CRY2: variants seen among roughly 807,000 people sequenced by gnomAD.
The protein encoded by CRY2 is cryptochrome circadian regulator 2.
Under a neutral mutation model 69.5 loss-of-function variants are expected in CRY2, and 31 were observed. The ratio of observed to expected loss-of-function variants is 0.45; its 90% CI spans 0.34 to 0.60. CRY2 has a LOEUF of 0.60. CRY2 is among the 20% of genes least tolerant of loss of function. The pLI is 0.02. For missense variants in CRY2, 606 were observed against 797.8 expected, an observed-to-expected ratio of 0.76 and a Z score of 2.90; for synonymous variants, 303 against 312.2, an observed-to-expected ratio of 0.97 and a Z score of 0.31.
At position 45,882,951 on chromosome 11, in the gene CRY2, C is replaced by T. The variant is rs2086488040; in HGVS notation, c.*2040C>T. Reference sequence around the variant, plus strand: ...TCAGCCCGTTCCCAGATCAACCTGCCAGTGGAGTCAGGCAGTGCACTCCTG... The same window carrying T: ...TCAGCCCGTTCCCAGATCAACCTGCTAGTGGAGTCAGGCAGTGCACTCCTG... On this transcript the variant is annotated 3_prime_UTR_variant, in exon 12 of 12. Coordinates refer to ENST00000616080, the MANE Select transcript of CRY2 (RefSeq NM_021117.5). The T allele has an allele frequency of 3.2e-5, 12 of 376,126 alleles. No individual in the cohort carries two copies. Among genetic ancestry groups the T allele is most frequent in the African/African-American group, 2.1e-5 (1 of 48,148 alleles). 23.3% of individuals were successfully genotyped at this position (376,126 alleles called of 1,614,324 possible).
intron 5 of CRY2, 131 bp downstream of exon 5, chr11:45,862,279 C>T: frequency 1.3e-6 from 1 of 756,642 alleles, no homozygotes; most frequent in Non-Finnish European, 2.1e-6. Context: ...TCCTATCCTC[C>T]TGATGGCCAT....
intron 10 of CRY2, 21 bp downstream of exon 10, chr11:45,870,955 T>A: frequency 6.4e-7 from 1 of 1,565,186 alleles, no homozygotes; most frequent in Non-Finnish European, 8.7e-7. Context: ...GCAACCAACC[T>A]CCTGTGGCCT....
At chr11:45,872,327 T>C in intron 11 of CRY2, 94 bp downstream of exon 11, 1 of 1,186,718 alleles carries the variant, frequency 8.4e-7, no homozygotes, top group Non-Finnish European at 1.2e-6. Flanking sequence ...CATAGCAAAC[T>C]AGATGAAAAT....
In CRY2 at chr11:45,869,604, C is replaced by A. The variant is rs142093998; in HGVS notation, c.981C>A (p.Arg327=). The A allele has an allele frequency of 1.9e-6, 3 of 1,614,248 alleles. No homozygotes were observed. Among genetic ancestry groups the A allele is most frequent in the Non-Finnish European group, 2.5e-6 (3 of 1,180,048 alleles). Residue 327 remains arginine (R), a synonymous_variant, in exon 7 of 12, where the codon CGC becomes CGA. Transcript: ENST00000616080. Reference sequence around the variant, plus strand: ...CTACCAACAACCCCAGGTTTGACCGCATGGAGGGGAACCCCATCTGCATCC... The same window carrying A: ...CTACCAACAACCCCAGGTTTGACCGAATGGAGGGGAACCCCATCTGCATCC... ...TAATNNPRFD[R]MEGNPICIQI...
intron 11 of CRY2, among the ~76,000 whole-genome samples, chr11:45,874,330 C>T (rs2086409645): frequency 6.6e-6 from 1 of 151,970 alleles, no homozygotes; most frequent in Non-Finnish European, 1.5e-5. Flanking sequence ...ATGTGGGGGT[C>T]TATTAATAAT....
rs2086470289 is a variant in CRY2 at position 45,881,337 on chromosome 11, T to C, written c.*426T>C. On this transcript the variant is annotated 3_prime_UTR_variant, in exon 12 of 12. Coordinates refer to ENST00000616080, the MANE Select transcript of CRY2 (RefSeq NM_021117.5). ...AGGCTGTGGAGCAGGAGCACAGCAGTTCTGGCTGTTGTCCAAAGCATGGGA... is the reference window on the plus strand; with the variant it reads ...AGGCTGTGGAGCAGGAGCACAGCAGCTCTGGCTGTTGTCCAAAGCATGGGA... 1 of 152,676 alleles carries C rather than the reference T, an allele frequency of 6.5e-6. No homozygotes were observed. The highest frequency in any genetic ancestry group is 2.4e-5 in the African/African-American group (1 of 41,464). The allele number at this position is 152,676 out of a possible 1,614,324, so 9.5% of individuals were successfully genotyped here. A position where few individuals can be genotyped will look rare whatever the true frequency, so the allele number is the denominator to read the frequency against.
Position 45,860,833 on chromosome 11 carries a change from C to A in CRY2, c.468-15C>A. The A allele has an allele frequency of 6.2e-7, 1 of 1,613,020 alleles. No individual in the cohort carries two copies. The highest frequency in any genetic ancestry group is 8.5e-7 in the Non-Finnish European group (1 of 1,179,116). On this transcript the variant is annotated splice_polypyrimidine_tract_variant and intron_variant, in intron 3 of 11. Coordinates refer to ENST00000616080, the MANE Select transcript of CRY2 (RefSeq NM_021117.5). ...GGCCATGTGGGTAACACTAGCTATG[C>A]TTTGGGCTCCCCAGGATCATTGAGC...
chr11:45,849,168 A>T (rs1411548225), intron 1 of CRY2, among the ~76,000 whole-genome samples: 1 of 152,198 alleles, frequency 6.6e-6, no homozygotes, highest in Admixed American at 6.5e-5. Flanking sequence ...GATAGGGAAG[A>T]TTAAAAATCA....
At chr11:45,872,256 C>G in intron 11 of CRY2, 23 bp downstream of exon 11, 1 of 1,609,686 alleles carries the variant, frequency 6.2e-7, no homozygotes. Flanking sequence ...AGCCTAGATT[C>G]AACCTCAGGA....
At chr11:45,869,482 C>A in intron 6 of CRY2, 24 bp from the exon 7 acceptor site, 1 of 1,584,780 alleles carries the variant, frequency 6.3e-7, no homozygotes, top group Non-Finnish European at 8.6e-7. Context: ...GTGTTTGTAT[C>A]CATGTGCCAC....
chr11:45,850,292 G>A (rs1407066637), intron 1 of CRY2, among the ~76,000 whole-genome samples: 1 of 152,144 alleles, frequency 6.6e-6, no homozygotes, highest in East Asian at 1.9e-4. Context: ...GCAAGTATGA[G>A]CCACTGTGCC....
chr11:45,877,060 C>T (rs1164597582), intron 11 of CRY2, among the ~76,000 whole-genome samples: 1 of 152,224 alleles, frequency 6.6e-6, no homozygotes, highest in Non-Finnish European at 1.5e-5. Flanking sequence ...AGACTCATAT[C>T]CCCTAGCGCT....
Position 45,847,607 on chromosome 11 carries a change from G to A in CRY2, c.117G>A (p.Ala39=). Residue 39 remains alanine (A), a synonymous_variant, in exon 1 of 12, where the codon GCG becomes GCA. Coordinates refer to ENST00000616080, the MANE Select transcript of CRY2 (RefSeq NM_021117.5). Reference sequence around the variant, plus strand: ...GGCTGCGACTCCACGACAACCCGGCGTTGCTGGCGGCCGTGCGCGGGGCGC... The same window carrying A: ...GGCTGCGACTCCACGACAACCCGGCATTGCTGGCGGCCGTGCGCGGGGCGC... The part of the protein sequence containing the change: ...RKGLRLHDNP[A]LLAAVRGARC... 1 of 1,605,628 alleles carries A rather than the reference G, an allele frequency of 6.2e-7. No individual in the cohort carries two copies. Among genetic ancestry groups the A allele is most frequent in the Non-Finnish European group, 8.5e-7 (1 of 1,177,050 alleles).
rs1213096986 is a variant in CRY2 at position 45,870,846 on chromosome 11, A to G, written c.1554A>G (p.Leu518=). 1 of 1,613,256 alleles carries G rather than the reference A, an allele frequency of 6.2e-7. No homozygotes were observed. The highest frequency in any genetic ancestry group is 1.3e-5 in the African/African-American group (1 of 74,900). Residue 518 remains leucine (L), a synonymous_variant, in exon 10 of 12, where the codon CTA becomes CTG. Coordinates refer to ENST00000616080, the MANE Select transcript of CRY2 (RefSeq NM_021117.5). Reference sequence around the variant, plus strand: ...TACTCCTCGCCTCTCTCCCAGGTCTACTGGCATCTGTCCCTTCCTGTGTGG... The same window carrying G: ...TACTCCTCGCCTCTCTCCCAGGTCTGCTGGCATCTGTCCCTTCCTGTGTGG... The part of the protein sequence containing the change: ...QQLSRYRGLC[L]LASVPSCVED...
chr11:45,861,958 A>G, intron 4 of CRY2, 102 bp from the exon 5 acceptor site: 3 of 977,176 alleles, frequency 3.1e-6, no homozygotes, highest in Non-Finnish European at 4.7e-6. Context: ...GCACCGAGAC[A>G]CTGTGGTTCA....
chr11:45,862,898 A>T (rs1025342613), intron 5 of CRY2, among the ~76,000 whole-genome samples: 15 of 152,168 alleles, frequency 9.9e-5, no homozygotes, highest in African/African-American at 3.6e-4. Context: ...GAAAGTTCTC[A>T]TGTCCGAGAA....
At chr11:45,861,742 T>C (rs1448229111) in intron 4 of CRY2, 2 of 311,286 alleles carry the variant, frequency 6.4e-6, no homozygotes, top group Non-Finnish European at 6.1e-6. Context: ...CCTCCAGTCT[T>C]TTGATCTGAA....
chr11:45,862,540 A>G (rs779768180), intron 5 of CRY2, among the ~76,000 whole-genome samples: 1 of 152,232 alleles, frequency 6.6e-6, no homozygotes, highest in African/African-American at 2.4e-5. Context: ...GCTTGGGACC[A>G]AAAGTGTTTC....
rs1327687711 is a variant in CRY2, at chr11:45,883,063, A to T, written c.*2152A>T. 4.1e-6 allele frequency: 1 copy of T among 241,038 alleles called. No homozygotes were observed. The highest frequency in any genetic ancestry group is 2.2e-5 in the African/African-American group (1 of 44,786). 14.9% of individuals were successfully genotyped at this position (241,038 alleles called of 1,614,324 possible). A position where few individuals can be genotyped will look rare whatever the true frequency, so the allele number is the denominator to read the frequency against. ...CTTCATGCCTCCCTTCTCCCAGCTC[A>T]GGTGGCCCTGAGGGCTCCCTCGGAA... On this transcript the variant is annotated 3_prime_UTR_variant, in exon 12 of 12. Coordinates refer to ENST00000616080, the MANE Select transcript of CRY2 (RefSeq NM_021117.5).
Sources: gnomAD v4.1 joint callset for allele counts (sites outside exome capture counted in the v4.1 genomes callset) on GRCh38, gnomAD v4.1.1 for gene constraint, MANE v1.5 for transcripts, NCBI Gene and HGNC (gene_info 2026-07-23, HGNC 2026-07-21) for gene names.